NELL1: variants seen among roughly 807,000 people sequenced by gnomAD.
The protein encoded by NELL1 is protein kinase C-binding protein NELL1.
A neutral mutation model predicts 107.4 loss-of-function variants in NELL1; 76 were observed. The ratio of observed to expected loss-of-function variants is 0.71; its 90% confidence interval spans 0.59 to 0.86. The LOEUF (loss-of-function observed/expected upper bound fraction) is 0.86, where lower values mean the gene tolerates loss of function less well. NELL1 is among the 40% of genes least tolerant of loss of function. The pLI, the probability that NELL1 is intolerant of heterozygous loss-of-function variation, is 0.00. For synonymous variants in NELL1, 353 were observed against 341.2 expected, an observed-to-expected ratio of 1.03 and a Z score of -0.38; for missense variants, 1,024 against 1,005.5, an observed-to-expected ratio of 1.02 and a Z score of -0.25.
intron 7 of NELL1, among the ~76,000 whole-genome samples, chr11:20,920,279 C>A (rs1850349158): frequency 6.6e-6 from 1 of 152,090 alleles, no homozygotes; most frequent in Non-Finnish European, 1.5e-5. Flanking sequence ...ATTGTACCTG[C>A]AGCTAAGACT....
At chr11:20,873,358 T>C (rs1374234181) in intron 4 of NELL1, among the ~76,000 whole-genome samples, 4 of 152,214 alleles carry the variant, frequency 2.6e-5, no homozygotes, top group Non-Finnish European at 4.4e-5. Context: ...TAACACTAGA[T>C]ACTATGTTCT....
intron 15 of NELL1, among the ~76,000 whole-genome samples, chr11:21,470,134 T>C (rs2133884961): frequency 6.6e-6 from 1 of 152,206 alleles, no homozygotes; most frequent in African/African-American, 2.4e-5. Context: ...GAGGTGTAGG[T>C]ATTCTCAAAG....
At chr11:21,533,243 C>G (rs1339580326) in intron 15 of NELL1, among the ~76,000 whole-genome samples, 5 of 152,040 alleles carry the variant, frequency 3.3e-5, no homozygotes, top group African/African-American at 1.2e-4. Flanking sequence ...AATTAACAGC[C>G]CGGTGCACAA....
At position 21,198,382 on chromosome 11, in the gene NELL1, T is replaced by G. The variant is rs7104211; in HGVS notation, c.1427-30950T>G. Among the ~76,000 whole-genome samples the G allele has an allele frequency of 3.4e-3, 511 of 152,312 alleles. 3 individuals carry two copies. Among genetic ancestry groups the G allele is most frequent in the African/African-American group, 0.011 (462 of 41,566 alleles). The stretch of plus-strand genomic sequence containing the variant: ...GATTCAAACGGAGGGCAATTAGATT[T>G]GACCCCTTGATGAAGGAGGGCAAGG... On this transcript the variant is annotated intron_variant, in intron 13 of 19. Coordinates refer to ENST00000357134, the MANE Select transcript of NELL1 (RefSeq NM_006157.5).
At chr11:21,390,369 TA>T (rs1268164375) in intron 15 of NELL1, among the ~76,000 whole-genome samples, 1 of 73,048 alleles carries the variant, frequency 1.4e-5, no homozygotes, top group Non-Finnish European at 3.6e-5. Flanking sequence ...ATAACAATGA[TA>T]ATAATAATAA....
intron 15 of NELL1, among the ~76,000 whole-genome samples, chr11:21,488,826 CAA>C (rs912765615): frequency 6.7e-6 from 1 of 149,214 alleles, no homozygotes. Flanking sequence ...ATGCCTACAT[CAA>C]AAAAAAAGAA....
chr11:21,145,554 G>A (rs1260345731), intron 13 of NELL1, among the ~76,000 whole-genome samples: 1 of 152,184 alleles, frequency 6.6e-6, no homozygotes, highest in East Asian at 1.9e-4. Context: ...TTTGGATTTA[G>A]GATACATAGA....
At chr11:21,223,919 G>T (rs1460780214) in intron 13 of NELL1, among the ~76,000 whole-genome samples, 1 of 152,108 alleles carries the variant, frequency 6.6e-6, no homozygotes, top group Non-Finnish European at 1.5e-5. Context: ...ATTTCTGAAG[G>T]TTAGTTTTTC....
chr11:21,542,849 TAAAG>T (rs1247277128), intron 16 of NELL1, among the ~76,000 whole-genome samples: 2 of 152,070 alleles, frequency 1.3e-5, no homozygotes, highest in South Asian at 2.1e-4. Context: ...ATTTGAAAAA[TAAAG>T]AAATTATATT....
intron 2 of NELL1, among the ~76,000 whole-genome samples, chr11:20,690,535 A>G (rs1195540620): frequency 8.7e-5 from 13 of 149,204 alleles, no homozygotes; most frequent in Admixed American, 2.0e-4. Flanking sequence ...TTTATTAAAT[A>G]GGGAATCCTT....
intron 15 of NELL1, among the ~76,000 whole-genome samples, chr11:21,478,693 T>TAAA (rs34265788): frequency 3.6e-5 from 5 of 139,986 alleles, no homozygotes; most frequent in African/African-American, 1.3e-4. Context: ...CACACCAAGT[T>TAAA]AAAAAAAAAA....
intron 11 of NELL1, among the ~76,000 whole-genome samples, chr11:20,954,180 A>G (rs868059000): frequency 2.0e-5 from 3 of 152,198 alleles, no homozygotes; most frequent in African/African-American, 4.8e-5. Context: ...GGGATAATGT[A>G]TGTAATTTTA....
intron 15 of NELL1, among the ~76,000 whole-genome samples, chr11:21,489,254 A>G (rs1251741651): frequency 6.6e-6 from 1 of 151,722 alleles, no homozygotes. Context: ...TGAACAGACC[A>G]ATAATGAGTA....
intron 12 of NELL1, among the ~76,000 whole-genome samples, chr11:21,011,801 C>T (rs1255719911): frequency 6.6e-6 from 1 of 152,102 alleles, no homozygotes; most frequent in East Asian, 1.9e-4. Flanking sequence ...TGTGAGCTCC[C>T]TCTCACTGAT....
chr11:21,367,117 G>A (rs1446207814), intron 14 of NELL1, among the ~76,000 whole-genome samples: 1 of 151,886 alleles, frequency 6.6e-6, no homozygotes, highest in Non-Finnish European at 1.5e-5. Flanking sequence ...TATGAATTTT[G>A]TGATTTTATT....
intron 14 of NELL1, among the ~76,000 whole-genome samples, chr11:21,339,469 T>C (rs572620749): frequency 1.3e-5 from 2 of 152,356 alleles, no homozygotes; most frequent in South Asian, 4.1e-4. Context: ...GTTTAAGACA[T>C]TAAGTTTCTT....
At chr11:20,868,253 A>T (rs564062697) in intron 4 of NELL1, among the ~76,000 whole-genome samples, 1 of 152,246 alleles carries the variant, frequency 6.6e-6, no homozygotes, top group African/African-American at 2.4e-5. Context: ...AAGCCATCAT[A>T]TTCTCACGTG....
At chr11:21,468,514 A>G (rs1018809343) in intron 15 of NELL1, among the ~76,000 whole-genome samples, 1 of 151,980 alleles carries the variant, frequency 6.6e-6, no homozygotes, top group Non-Finnish European at 1.5e-5. Context: ...CTGTACCTCT[A>G]TTGTTAAAAA....
rs11820173 is a variant in NELL1 at position 21,439,267 on chromosome 11, T to C, written c.1645+68319T>C. Among the ~76,000 whole-genome samples, 1,215 of 152,252 alleles carry C rather than the reference T, an allele frequency of 8.0e-3. 13 individuals carry two copies. The highest frequency in any genetic ancestry group is 0.027 in the African/African-American group (1,112 of 41,552). On this transcript the variant is annotated intron_variant, in intron 15 of 19. Transcript: ENST00000357134. ...TAACCAAACTTCCAGTCTTCAGTTA[T>C]ACAGATAGAATCCAAATCTTGGATG...
Sources: gnomAD v4.1 joint callset for allele counts (sites outside exome capture counted in the v4.1 genomes callset) on GRCh38, gnomAD v4.1.1 for gene constraint, MANE v1.5 for transcripts, NCBI Gene and HGNC (gene_info 2026-07-23, HGNC 2026-07-21) for gene names.